DNAH14: variants seen among roughly 807,000 people sequenced by gnomAD.
DNAH14 encodes axonemal beta dynein heavy chain 14.
In DNAH14, 478 loss-of-function variants were observed where a neutral mutation model predicts 520.9. The observed-to-expected ratio is 0.92, with a 90% CI of 0.85 to 0.99. DNAH14 has a LOEUF of 0.99. Ranked by LOEUF, DNAH14 falls within the 50% of genes least tolerant of loss-of-function variation. DNAH14 has a pLI of 0.00. For synonymous variants in DNAH14, 1,581 were observed against 1,757.2 expected (o/e 0.90, Z 2.51); for missense variants, 4,831 against 5,234.5 (o/e 0.92, Z 2.38).
At chr1:225,336,038 CAT>C (rs754846364) in intron 66 of DNAH14, among the ~76,000 whole-genome samples, 4 of 64,664 alleles carry the variant, frequency 6.2e-5, no homozygotes, top group South Asian at 5.8e-4. Context: ...TATATACACA[CAT>C]ATATGCATAT....
In DNAH14 at chr1:225,038,711, C is replaced by A. The variant is rs1358911488; in HGVS notation, c.1376C>A (p.Ser459Tyr). Residue 459 changes from serine to tyrosine, a missense_variant, in exon 12 of 86, where the codon TCT (serine) becomes TAT (tyrosine). Ser to Tyr is a moderately radical substitution (Grantham distance 144, BLOSUM62 -2). Transcript: ENST00000682510. ...ENLIRTFKDN[S>Y]FPTGKTTNDC... ...TAATCCAGAACATTCAAGGACAACTCTTTTCCTACTGGAAAGACAACAAAT... is the reference window on the plus strand; with the variant it reads ...TAATCCAGAACATTCAAGGACAACTATTTTCCTACTGGAAAGACAACAAAT... The A allele has an allele frequency of 1.3e-6, 2 of 1,531,264 alleles. No individual in the cohort carries two copies. The allele number at this position is 1,531,264 out of a possible 1,614,324, so 94.9% of individuals were successfully genotyped here. A position where few individuals can be genotyped will look rare whatever the true frequency, so the allele number is the denominator to read the frequency against.
chr1:225,102,677 A>T (rs1040538201), intron 23 of DNAH14, among the ~76,000 whole-genome samples: 1 of 152,204 alleles, frequency 6.6e-6, no homozygotes, highest in African/African-American at 2.4e-5. Context: ...ATTTGGCTGC[A>T]TAAATGTCTT....
At position 225,290,099 on chromosome 1, in the gene DNAH14, T is replaced by C; in HGVS notation, c.8469+17T>C. On this transcript the variant is annotated intron_variant, in intron 55 of 85. Coordinates refer to ENST00000682510, the MANE Select transcript of DNAH14 (RefSeq NM_001367479.1). Reference sequence around the variant, plus strand: ...ATAGAACAAGTAAGTACTTTTTGTCTTTGCTATTTGCTGAAGTTTGATATC... The same window carrying C: ...ATAGAACAAGTAAGTACTTTTTGTCCTTGCTATTTGCTGAAGTTTGATATC... The C allele has an allele frequency of 1.5e-6, 2 of 1,361,324 alleles. No homozygotes were observed. Among genetic ancestry groups the C allele is most frequent in the Non-Finnish European group, 1.9e-6 (2 of 1,046,042 alleles). The allele number at this position is 1,361,324 out of a possible 1,614,324, so 84.3% of individuals were successfully genotyped here. A position where few individuals can be genotyped will look rare whatever the true frequency, so the allele number is the denominator to read the frequency against.
intron 26 of DNAH14, 137 bp downstream of exon 26, chr1:225,119,431 A>G (rs997840619): frequency 1.3e-5 from 7 of 529,950 alleles, no homozygotes; most frequent in African/African-American, 1.2e-4. Flanking sequence ...ATGGAGTCAA[A>G]TCTCTTATGA....
rs551088071 is a variant in DNAH14 at position 225,389,999 on chromosome 1, G to A, written c.13330+126G>A. 34 of 814,434 alleles carry A rather than the reference G, an allele frequency of 4.2e-5. No individual in the cohort carries two copies. The East Asian group carries it at 8.1e-4, about 19-fold the overall frequency. The allele number at this position is 814,434 out of a possible 1,614,324, so 50.5% of individuals were successfully genotyped here. ...CACCTGCGCCTCCACAGGTGCCTGG[G>A]TCTCTAGTGTGCACCAGAGCAGTCT... On this transcript the variant is annotated intron_variant, in intron 83 of 85. Transcript: ENST00000682510.
chr1:225,193,286 G>A (rs1008884252), intron 38 of DNAH14, among the ~76,000 whole-genome samples: 1 of 152,046 alleles, frequency 6.6e-6, no homozygotes, highest in Non-Finnish European at 1.5e-5. Flanking sequence ...ATTCATCACA[G>A]AATAGATACA....
At chr1:225,078,209 G>A (rs1459892415) in intron 17 of DNAH14, among the ~76,000 whole-genome samples, 9 of 152,158 alleles carry the variant, frequency 5.9e-5, no homozygotes. Flanking sequence ...TTGAATCACA[G>A]TTGTATAACT....
At chr1:225,044,472 C>A (rs993879473) in intron 15 of DNAH14, among the ~76,000 whole-genome samples, 1 of 152,092 alleles carries the variant, frequency 6.6e-6, no homozygotes, top group African/African-American at 2.4e-5. Context: ...TTGCATCATT[C>A]TCCAGTCATG....
chr1:225,228,916 C>T (rs1247108465), intron 41 of DNAH14, among the ~76,000 whole-genome samples: 2 of 152,102 alleles, frequency 1.3e-5, no homozygotes, highest in East Asian at 3.9e-4. Flanking sequence ...TGTTCTTACC[C>T]AGGGGCAAAG....
At chr1:225,132,100 G>A (rs1037226351) in intron 27 of DNAH14, among the ~76,000 whole-genome samples, 1 of 152,104 alleles carries the variant, frequency 6.6e-6, no homozygotes, top group African/African-American at 2.4e-5. Flanking sequence ...ACTCTACAGA[G>A]ATCGGTAAAC....
At chr1:225,075,611 C>T (rs1010547236) in intron 17 of DNAH14, among the ~76,000 whole-genome samples, 7 of 151,990 alleles carry the variant, frequency 4.6e-5, no homozygotes, top group Non-Finnish European at 1.0e-4. Context: ...TACCTGTAGT[C>T]CCAGCTACTC....
intron 17 of DNAH14, among the ~76,000 whole-genome samples, chr1:225,062,302 AAG>A (rs891182001): frequency 6.0e-5 from 9 of 151,026 alleles, no homozygotes; most frequent in South Asian, 2.1e-4. Context: ...GTATCTCAAA[AAG>A]AGAGAGAGAG....
chr1:225,377,139 C>G, intron 78 of DNAH14, 98 bp from the exon 79 acceptor site: 1 of 940,824 alleles, frequency 1.1e-6, no homozygotes. Context: ...TGTCTTCAAG[C>G]ATTACTGAAA....
chr1:225,198,025 T>A (rs1172237840), intron 38 of DNAH14, among the ~76,000 whole-genome samples: 2 of 152,164 alleles, frequency 1.3e-5, no homozygotes, highest in Non-Finnish European at 2.9e-5. Context: ...GGATGCCTTT[T>A]ATTTCTTTCT....
chr1:225,325,778 A>G (rs2094650163), intron 64 of DNAH14, among the ~76,000 whole-genome samples: 1 of 152,068 alleles, frequency 6.6e-6, no homozygotes, highest in South Asian at 2.1e-4. Flanking sequence ...TATAATCAAC[A>G]TTTTAAAATT....
rs529648390 is a variant in DNAH14, at chr1:225,223,910, C to T, written c.6440-7163C>T. ...CATTTTATGGATGATATTTTACTAGCAGCCCCAACAGAGCCAGCACTTTTA... is the reference window on the plus strand; with the variant it reads ...CATTTTATGGATGATATTTTACTAGTAGCCCCAACAGAGCCAGCACTTTTA... On this transcript the variant is annotated intron_variant, in intron 41 of 85. Transcript: ENST00000682510. Among the ~76,000 whole-genome samples, 9 of 152,232 alleles carry T rather than the reference C, an allele frequency of 5.9e-5. No individual in the cohort carries two copies. In the South Asian group the frequency reaches 1.9e-3, roughly 32 times the overall value.
At chr1:225,178,755 T>G (rs2083625979) in intron 36 of DNAH14, among the ~76,000 whole-genome samples, 1 of 152,118 alleles carries the variant, frequency 6.6e-6, no homozygotes, top group South Asian at 2.1e-4. Flanking sequence ...TTTTGAAATT[T>G]GAGGACATGA....
chr1:225,013,430 G>A (rs2147928129), intron 10 of DNAH14, among the ~76,000 whole-genome samples: 1 of 152,294 alleles, frequency 6.6e-6, no homozygotes, highest in East Asian at 1.9e-4. Context: ...TTCCCAGTCA[G>A]GAGGCACGGG....
intron 17 of DNAH14, among the ~76,000 whole-genome samples, chr1:225,064,260 A>C (rs2070568732): frequency 6.6e-6 from 1 of 152,112 alleles, no homozygotes; most frequent in Non-Finnish European, 1.5e-5. Flanking sequence ...TAAAATTAAA[A>C]TACTGACAAT....
Sources: gnomAD v4.1 joint callset for allele counts (sites outside exome capture counted in the v4.1 genomes callset) on GRCh38, gnomAD v4.1.1 for gene constraint, MANE v1.5 for transcripts, NCBI Gene and HGNC (gene_info 2026-07-23, HGNC 2026-07-21) for gene names.